The following CHST11 variants were observed in gnomAD, a reference collection of about 807,000 sequenced individuals.
The protein encoded by CHST11 is C4S-1.
Under a neutral mutation model 30.4 loss-of-function variants are expected in CHST11, and 9 were observed. That is an observed-to-expected ratio of 0.30 (90% CI 0.18 to 0.52). CHST11 has a LOEUF of 0.52. CHST11 is among the 20% of genes least tolerant of loss of function. The probability of loss-of-function intolerance (pLI) is 0.97; values close to 1 mark genes in which losing one functional copy is unlikely to be tolerated. For missense variants in CHST11, 348 were observed against 460.6 expected (o/e 0.76, Z 2.24); for synonymous variants, 152 against 187.8 (o/e 0.81, Z 1.56).
At chr12:104,714,892 A>G (rs1217028771) in intron 2 of CHST11, among the ~76,000 whole-genome samples, 2 of 152,198 alleles carry the variant, frequency 1.3e-5, no homozygotes, top group African/African-American at 4.8e-5. Flanking sequence ...AGTTTCAAAG[A>G]CCATGGGCTA....
chr12:104,492,070 A>G (rs1334678938), intron 1 of CHST11, among the ~76,000 whole-genome samples: 1 of 152,148 alleles, frequency 6.6e-6, no homozygotes, highest in Non-Finnish European at 1.5e-5. Flanking sequence ...AACCAGTCCA[A>G]AGAATCTCCT....
chr12:104,756,328 T>C (rs2040474162), intron 2 of CHST11, among the ~76,000 whole-genome samples: 2 of 152,158 alleles, frequency 1.3e-5, no homozygotes, highest in Admixed American at 6.5e-5. Context: ...TGGTTTGGAC[T>C]GGGAGTGAAT....
chr12:104,548,279 T>G (rs564374923), intron 1 of CHST11, among the ~76,000 whole-genome samples: 1 of 152,290 alleles, frequency 6.6e-6, no homozygotes, highest in African/African-American at 2.4e-5. Flanking sequence ...CAGGGAGAAG[T>G]GATGTGCTGG....
At chr12:104,656,286 T>A (rs1019135881) in intron 2 of CHST11, among the ~76,000 whole-genome samples, 4 of 152,196 alleles carry the variant, frequency 2.6e-5, no homozygotes, top group African/African-American at 9.7e-5. Context: ...TCTAGCCGCA[T>A]ATCACCCCTC....
At chr12:104,677,659 T>C (rs1396191413) in intron 2 of CHST11, among the ~76,000 whole-genome samples, 1 of 152,040 alleles carries the variant, frequency 6.6e-6, no homozygotes, top group East Asian at 1.9e-4. Flanking sequence ...GAGAGAGAGG[T>C]AGGGAAATTT....
intron 1 of CHST11, among the ~76,000 whole-genome samples, chr12:104,556,385 GTTCC>G (rs1461753225): frequency 6.6e-6 from 1 of 152,102 alleles, no homozygotes; most frequent in Non-Finnish European, 1.5e-5. Flanking sequence ...GGTATATTAG[GTTCC>G]CAGGGCTGCC....
intron 2 of CHST11, among the ~76,000 whole-genome samples, chr12:104,706,244 T>C (rs1021717928): frequency 4.0e-5 from 6 of 148,968 alleles, no homozygotes; most frequent in African/African-American, 1.5e-4. Context: ...ATTAGCCAGG[T>C]GTGGTAGCGC....
intron 1 of CHST11, among the ~76,000 whole-genome samples, chr12:104,460,962 G>A (rs749861500): frequency 3.3e-5 from 5 of 152,168 alleles, no homozygotes; most frequent in Non-Finnish European, 1.5e-5. Context: ...CACGGTGTCT[G>A]ACAACAGTGG....
chr12:104,510,525 C>A (rs1319475418), intron 1 of CHST11, among the ~76,000 whole-genome samples: 1 of 152,190 alleles, frequency 6.6e-6, no homozygotes, highest in Non-Finnish European at 1.5e-5. Flanking sequence ...CCTTTGAGAT[C>A]TATGGTGGCT....
intron 2 of CHST11, among the ~76,000 whole-genome samples, chr12:104,713,280 G>A (rs1220877747): frequency 6.6e-6 from 1 of 151,948 alleles, no homozygotes. Flanking sequence ...TTCTGCTTGG[G>A]GATTTGACAT....
intron 2 of CHST11, among the ~76,000 whole-genome samples, chr12:104,696,019 G>T (rs1566042136): frequency 6.6e-6 from 1 of 152,154 alleles, no homozygotes; most frequent in Non-Finnish European, 1.5e-5. Flanking sequence ...CAGGAAATGT[G>T]TTTATTTTGC....
rs573167298 is a variant in CHST11, at chr12:104,713,863, G to A, written c.205-43086G>A. ...CCTGAAGAGTTGGAGCAGCAGGCGA[G>A]GCTAGGGTGTAGAGAGATACGTTCG... On this transcript the variant is annotated intron_variant, in intron 2 of 2. Transcript: ENST00000303694. Among the ~76,000 whole-genome samples the A allele has an allele frequency of 6.6e-5, 10 of 152,350 alleles. No individual in the cohort carries two copies. In the South Asian group the frequency reaches 2.1e-3, roughly 32 times the overall value.
chr12:104,627,857 A>G (rs2039232028), intron 2 of CHST11, among the ~76,000 whole-genome samples: 1 of 152,234 alleles, frequency 6.6e-6, no homozygotes, highest in South Asian at 2.1e-4. Flanking sequence ...AACTAGCAGC[A>G]GCAGCAGTGG....
intron 2 of CHST11, among the ~76,000 whole-genome samples, chr12:104,641,861 T>A (rs1183674756): frequency 1.3e-5 from 2 of 152,202 alleles, no homozygotes; most frequent in Non-Finnish European, 2.9e-5. Context: ...ATCACCTTGA[T>A]CTGGCACTTC....
intron 2 of CHST11, among the ~76,000 whole-genome samples, chr12:104,709,251 G>A (rs958432578): frequency 5.9e-5 from 9 of 152,070 alleles, no homozygotes; most frequent in African/African-American, 2.2e-4. Flanking sequence ...CCACAGCCTC[G>A]CCCCCACACC....
At chr12:104,550,958 A>AT (rs958550645) in intron 1 of CHST11, among the ~76,000 whole-genome samples, 38 of 150,750 alleles carry the variant, frequency 2.5e-4, no homozygotes, top group African/African-American at 5.6e-4. Flanking sequence ...CACGTCTGTA[A>AT]TTTTTTTTTT....
intron 1 of CHST11, among the ~76,000 whole-genome samples, chr12:104,574,325 T>C (rs1263969545): frequency 6.6e-6 from 1 of 152,050 alleles, no homozygotes; most frequent in Non-Finnish European, 1.5e-5. Context: ...GATCTAGAAC[T>C]AGAAATACCA....
At chr12:104,480,892 C>T (rs965300616) in intron 1 of CHST11, among the ~76,000 whole-genome samples, 1 of 152,276 alleles carries the variant, frequency 6.6e-6, no homozygotes, top group Admixed American at 6.5e-5. Context: ...ATTAAGCCAC[C>T]AAGTTTGTGG....
intron 2 of CHST11, among the ~76,000 whole-genome samples, chr12:104,649,039 A>C (rs966638607): frequency 6.6e-6 from 1 of 152,110 alleles, no homozygotes; most frequent in East Asian, 1.9e-4. Flanking sequence ...CTGTTGGCCA[A>C]ACTGAAACAG....
Sources: allele counts gnomAD v4.1 joint callset (sites outside exome capture counted in the v4.1 genomes callset), GRCh38; gene constraint gnomAD v4.1.1; transcripts MANE v1.5; gene names NCBI Gene and HGNC (gene_info 2026-07-23, HGNC 2026-07-21).